Variants in FAM120B observed in about 807,000 individuals in gnomAD.
FAM120B encodes constitutive coactivator of peroxisome proliferator-activated receptor gamma.
Under a neutral mutation model 96.3 loss-of-function variants are expected in FAM120B, and 83 were observed. The observed-to-expected ratio is 0.86, with a 90% CI of 0.72 to 1.03. The LOEUF (loss-of-function observed/expected upper bound fraction) is 1.03. Among genes scored for constraint, FAM120B ranks in the 50% least tolerant of loss-of-function variants. The pLI, the probability that FAM120B is intolerant of heterozygous loss-of-function variation, is 0.00. For missense variants in FAM120B, 1,027 were observed against 1,121.2 expected (o/e 0.92, Z 1.20); for synonymous variants, 407 against 402.7 (o/e 1.01, Z -0.13).
intron 7 of FAM120B, among the ~76,000 whole-genome samples, chr6:170,388,948 C>A (rs1226695203): frequency 1.3e-5 from 2 of 151,900 alleles, no homozygotes; most frequent in African/African-American, 4.8e-5. Flanking sequence ...TGTATTCTTA[C>A]AATAAAGTAA....
At chr6:170,307,216 G>A (rs554546497) in intron 1 of FAM120B, among the ~76,000 whole-genome samples, 1 of 152,328 alleles carries the variant, frequency 6.6e-6, no homozygotes, top group Non-Finnish European at 1.5e-5. Flanking sequence ...GGTCAGAGCT[G>A]TTATCCTTCG....
chr6:170,376,941 T>A (rs200922592), intron 6 of FAM120B, among the ~76,000 whole-genome samples: 2 of 126,706 alleles, frequency 1.6e-5, no homozygotes, highest in East Asian at 6.0e-4. Flanking sequence ...CCCAGACGCC[T>A]GGGAGAGCAC....
chr6:170,342,022 T>C (rs1370467619), intron 4 of FAM120B, among the ~76,000 whole-genome samples: 1 of 152,192 alleles, frequency 6.6e-6, no homozygotes, highest in Non-Finnish European at 1.5e-5. Context: ...GTCTGCAGGC[T>C]GAGGAGCAAG....
upstream of FAM120B, among the ~76,000 whole-genome samples, chr6:170,303,135 A>G (rs1282623108): frequency 6.6e-6 from 1 of 152,238 alleles, no homozygotes; most frequent in Non-Finnish European, 1.5e-5. Flanking sequence ...ATTTGTTAAC[A>G]AAAATAGTAG....
At chr6:170,387,479 C>T (rs1181241775) in intron 6 of FAM120B, among the ~76,000 whole-genome samples, 4 of 152,158 alleles carry the variant, frequency 2.6e-5, no homozygotes, top group African/African-American at 4.8e-5. Flanking sequence ...CGCTAGATAT[C>T]GGTATCACTT....
chr6:170,389,111 G>T (rs1371682045), intron 7 of FAM120B, among the ~76,000 whole-genome samples: 1 of 152,154 alleles, frequency 6.6e-6, no homozygotes, highest in Non-Finnish European at 1.5e-5. Context: ...AGAGGCAGAA[G>T]AAGATTCGAG....
At chr6:170,393,475 G>T (rs1286770859) in intron 8 of FAM120B, among the ~76,000 whole-genome samples, 5 of 152,208 alleles carry the variant, frequency 3.3e-5, no homozygotes, top group African/African-American at 1.2e-4. Flanking sequence ...CAAATGGGCA[G>T]AAATCAGTGT....
chr6:170,398,713 G>T (rs1174698936), intron 9 of FAM120B, among the ~76,000 whole-genome samples: 1 of 148,388 alleles, frequency 6.7e-6, no homozygotes, highest in African/African-American at 2.5e-5. Context: ...AGTGGGGAAG[G>T]TAGAACTATG....
rs868335834 is a variant in FAM120B at position 170,406,509 on chromosome 6, A to T, written c.*1758A>T. The T allele has an allele frequency of 6.6e-6, 1 of 152,248 alleles. No individual in the cohort carries two copies. The highest frequency in any genetic ancestry group is 1.5e-5 in the Non-Finnish European group (1 of 68,048). The allele number at this position is 152,248 out of a possible 1,614,324, so 9.4% of individuals were successfully genotyped here. A position where few individuals can be genotyped will look rare whatever the true frequency, so the allele number is the denominator to read the frequency against. On this transcript the variant is annotated 3_prime_UTR_variant, in exon 11 of 11. Transcript: ENST00000476287. ...TCCTGAGTGTTTATTAAAAAGGGAC[A>T]TGGTCTCTAGGTATCTTATTACATT...
chr6:170,317,292 C>G (rs1784958411), intron 1 of FAM120B, 78 bp from the exon 2 acceptor site: 2 of 1,124,714 alleles, frequency 1.8e-6, no homozygotes, highest in South Asian at 3.0e-5. Flanking sequence ...TGAATATTAA[C>G]TACTGTGTTT....
intron 8 of FAM120B, among the ~76,000 whole-genome samples, chr6:170,394,986 C>T (rs181473479): frequency 2.8e-4 from 42 of 152,352 alleles, no homozygotes; most frequent in African/African-American, 9.6e-4. Context: ...TGTATGTAAT[C>T]AGGCCTTCTA....
rs1462627703 is a variant in FAM120B at position 170,406,792 on chromosome 6, T to G, written c.*2041T>G. The G allele has an allele frequency of 3.9e-5, 6 of 152,346 alleles. No individual in the cohort carries two copies. Among genetic ancestry groups the G allele is most frequent in the Non-Finnish European group, 8.8e-5 (6 of 68,018 alleles). The allele number at this position is 152,346 out of a possible 1,614,324, so 9.4% of individuals were successfully genotyped here. On this transcript the variant is annotated 3_prime_UTR_variant, in exon 11 of 11. Coordinates refer to ENST00000476287, the MANE Select transcript of FAM120B (RefSeq NM_032448.3). ...TGCACTTGTATAACTTTGAAATAAATTCCTCATCCCTTAGACTAAGAGAGT... is the reference window on the plus strand; with the variant it reads ...TGCACTTGTATAACTTTGAAATAAAGTCCTCATCCCTTAGACTAAGAGAGT...
chr6:170,367,264 G>T (rs116684343), intron 6 of FAM120B, among the ~76,000 whole-genome samples: 1 of 152,170 alleles, frequency 6.6e-6, no homozygotes, highest in African/African-American at 2.4e-5. Context: ...CCAGACTATC[G>T]CCCATAGGCC....
intron 6 of FAM120B, among the ~76,000 whole-genome samples, chr6:170,371,943 T>C (rs1789221938): frequency 6.6e-6 from 1 of 152,224 alleles, no homozygotes; most frequent in Non-Finnish European, 1.5e-5. Context: ...GAAATTCATC[T>C]TTTCTTGCCG....
At chr6:170,290,850 T>C (rs893624001), upstream of FAM120B, 1 of 650,680 alleles carries the variant, frequency 1.5e-6, no homozygotes, top group African/African-American at 1.8e-5. The surrounding 1 kb of genome is among the most constrained non-coding windows in gnomAD (Gnocchi z 4.7). Flanking sequence ...GGGAGGAGGC[T>C]CTGCGCCGCG....
upstream of FAM120B, among the ~76,000 whole-genome samples, chr6:170,302,971 C>A (rs1784173414): frequency 6.6e-6 from 1 of 152,158 alleles, no homozygotes; most frequent in Non-Finnish European, 1.5e-5. Context: ...GTAGTCATAA[C>A]AATTTTTTAA....
chr6:170,335,445 T>C (rs1485544442), intron 4 of FAM120B, among the ~76,000 whole-genome samples: 8 of 152,248 alleles, frequency 5.3e-5, no homozygotes. Context: ...ATTTTCTTTA[T>C]GCAGTCTATC....
upstream of FAM120B, among the ~76,000 whole-genome samples, chr6:170,292,224 C>G (rs1053512599): frequency 3.9e-5 from 6 of 152,184 alleles, no homozygotes; most frequent in African/African-American, 1.4e-4. The surrounding 1 kb of genome is among the most constrained non-coding windows in gnomAD (Gnocchi z 6.6). Context: ...CCATCAGACA[C>G]TAGAACTTTT....
chr6:170,384,712 C>T (rs1471097627), intron 6 of FAM120B, among the ~76,000 whole-genome samples: 3 of 152,182 alleles, frequency 2.0e-5, no homozygotes, highest in African/African-American at 7.2e-5. Context: ...CACAGGGGTC[C>T]ACAAACTGTA....
Sources: allele counts gnomAD v4.1 joint callset (sites outside exome capture counted in the v4.1 genomes callset), GRCh38; gene constraint gnomAD v4.1.1; non-coding constraint Gnocchi (gnomAD v3.1); transcripts MANE v1.5; gene names NCBI Gene and HGNC (gene_info 2026-07-23, HGNC 2026-07-21).